Variants in PTPRN2 observed in about 807,000 individuals in gnomAD.
PTPRN2 encodes the protein protein tyrosine phosphatase receptor type N2.
A neutral mutation model predicts 118.8 loss-of-function variants in PTPRN2; 74 were observed. The observed-to-expected ratio is 0.62, with a 90% CI of 0.52 to 0.76. The LOEUF (loss-of-function observed/expected upper bound fraction) is 0.76, where lower values mean the gene tolerates loss of function less well. Among genes scored for constraint, PTPRN2 ranks in the 30% least tolerant of loss-of-function variants. PTPRN2 has a pLI of 0.00. For missense variants in PTPRN2, 1,481 were observed against 1,394.4 expected, an observed-to-expected ratio of 1.06 and a Z score of -0.99; for synonymous variants, 641 against 608.0, an observed-to-expected ratio of 1.05 and a Z score of -0.80.
At chr7:157,693,527 T>A (rs1314294089) in intron 12 of PTPRN2, among the ~76,000 whole-genome samples, 1 of 151,988 alleles carries the variant, frequency 6.6e-6, no homozygotes. Flanking sequence ...CGCAGGGCCT[T>A]GGGGCACCGG....
rs1802264157 is a variant in PTPRN2 at position 157,610,459 on chromosome 7, G to A, written c.2345-6384C>T. ...CCTAGAGGGAGTCCTGACTCCAGCA[G>A]AGAACATGTTCCGGGATGTGCTCCA... is the stretch of plus-strand genomic sequence containing the variant. On this transcript the variant is annotated intron_variant, in intron 15 of 22. Transcript: ENST00000389418. This position sits in a 1 kb window ranked among gnomAD's most constrained non-coding sequence, Gnocchi z 5.1. 6.6e-6 allele frequency among the ~76,000 whole-genome samples: 1 copy of A among 152,206 alleles called. No individual in the cohort carries two copies. Among genetic ancestry groups the A allele is most frequent in the Non-Finnish European group, 1.5e-5 (1 of 68,028 alleles).
chr7:157,769,166 G>A lies in PTPRN2; in HGVS notation c.1789-86229C>T, dbSNP rs75511357. ...CAGCCCAGTGTCCACCGAGGGCAGC[G>A]GTTGAATGTCCTCATTATTCCGCCC... On this transcript the variant is annotated intron_variant, in intron 12 of 22. Transcript: ENST00000389418. Among the ~76,000 whole-genome samples, 801 of 152,252 alleles carry A rather than the reference G, an allele frequency of 5.3e-3. 26 individuals carry two copies. Among genetic ancestry groups the A allele is most frequent in the East Asian group, 0.04 (206 of 5,172 alleles).
chr7:158,279,890 A>G (rs1799297691), intron 3 of PTPRN2, among the ~76,000 whole-genome samples: 1 of 152,072 alleles, frequency 6.6e-6, no homozygotes, highest in Admixed American at 6.5e-5. Flanking sequence ...TCACCTCTCA[A>G]TGTGGACTTG....
intron 11 of PTPRN2, among the ~76,000 whole-genome samples, chr7:157,922,702 C>T (rs562605374): frequency 5.3e-5 from 8 of 152,280 alleles, no homozygotes; most frequent in Admixed American, 2.6e-4. Flanking sequence ...ACATCACCAG[C>T]GGCAATCGTC....
chr7:158,182,680 T>C (rs1436519677), intron 5 of PTPRN2, among the ~76,000 whole-genome samples: 1 of 152,234 alleles, frequency 6.6e-6, no homozygotes, highest in Non-Finnish European at 1.5e-5. Flanking sequence ...TGCATAGTAT[T>C]CCATGGTGTA....
chr7:157,581,908 G>A (rs956268302), intron 17 of PTPRN2, among the ~76,000 whole-genome samples: 8 of 152,214 alleles, frequency 5.3e-5, no homozygotes, highest in African/African-American at 9.7e-5. Context: ...GAGCGGCCAC[G>A]CGCAGACAGG....
intron 9 of PTPRN2, among the ~76,000 whole-genome samples, chr7:158,132,371 TCATA>T (rs1167069025): frequency 6.9e-6 from 1 of 143,888 alleles, no homozygotes; most frequent in Non-Finnish European, 1.5e-5. Flanking sequence ...CGACATACAC[TCATA>T]CACACACATG....
At chr7:157,704,768 T>C (rs1164186514) in intron 12 of PTPRN2, among the ~76,000 whole-genome samples, 2 of 152,258 alleles carry the variant, frequency 1.3e-5, no homozygotes, top group African/African-American at 4.8e-5. Flanking sequence ...GCCATTCTAT[T>C]GCTCTCGTAA....
intron 11 of PTPRN2, among the ~76,000 whole-genome samples, chr7:157,907,418 C>CGG (rs1797836805): frequency 7.7e-6 from 1 of 129,116 alleles, no homozygotes; most frequent in Non-Finnish European, 1.7e-5. Flanking sequence ...TGGGGTGTCC[C>CGG]GGGTGGCAGT....
At chr7:158,394,117 CCCCCTCTGTCCCCCACGGACACCTCAA>C (rs1812148736) in intron 2 of PTPRN2, among the ~76,000 whole-genome samples, 1 of 148,454 alleles carries the variant, frequency 6.7e-6, no homozygotes. Context: ...GACACCTGGA[CCCCCTCTGTCCCCCACGGACACCTCAA>C]CCCCTCTGTC....
intron 2 of PTPRN2, among the ~76,000 whole-genome samples, chr7:158,459,421 C>G (rs1818796542): frequency 6.6e-6 from 1 of 151,892 alleles, no homozygotes; most frequent in African/African-American, 2.4e-5. Context: ...CGAACGGGAT[C>G]CAGAATCCAG....
intron 2 of PTPRN2, among the ~76,000 whole-genome samples, chr7:158,343,689 C>T (rs1475100835): frequency 6.6e-6 from 1 of 151,448 alleles, no homozygotes; most frequent in Non-Finnish European, 1.5e-5. Context: ...AGAGCTCGCG[C>T]AGAGGCTCAG....
chr7:158,307,284 A>G lies in PTPRN2; in HGVS notation c.277+9535T>C, dbSNP rs145342205. On this transcript the variant is annotated intron_variant, in intron 3 of 22. Transcript: ENST00000389418. ...GAATATGAATAAAAAGATAGAAATT[A>G]TATTTCAAAAATAATTGAAAAATTC... 7.7e-3 allele frequency among the ~76,000 whole-genome samples: 1,173 copies of G among 152,362 alleles called. 21 individuals are homozygous for G. Among genetic ancestry groups the G allele is most frequent in the African/African-American group, 0.026 (1,084 of 41,584 alleles).
intron 2 of PTPRN2, among the ~76,000 whole-genome samples, chr7:158,322,218 C>G (rs2151117139): frequency 6.6e-6 from 1 of 152,306 alleles, no homozygotes; most frequent in African/African-American, 2.4e-5. Context: ...ATGGCCAGGC[C>G]AGGACAGCCG....
intron 5 of PTPRN2, among the ~76,000 whole-genome samples, chr7:158,171,226 C>CACACATATATAT: frequency 2.3e-5 from 2 of 88,436 alleles, no homozygotes; most frequent in South Asian, 7.1e-4. Flanking sequence ...CACATATATA[C>CACACATATATAT]ACACATATAT....
chr7:158,336,603 A>C (rs1218537700), intron 2 of PTPRN2, among the ~76,000 whole-genome samples: 1 of 144,804 alleles, frequency 6.9e-6, no homozygotes, highest in African/African-American at 2.6e-5. Flanking sequence ...TCACACCCAC[A>C]CTCTCACCAT....
intron 11 of PTPRN2, among the ~76,000 whole-genome samples, chr7:158,009,945 C>G (rs577059433): frequency 7.2e-4 from 109 of 152,314 alleles, no homozygotes; most frequent in African/African-American, 2.6e-3. Context: ...CCACCATGGG[C>G]ACCAGCCAAA....
intron 2 of PTPRN2, among the ~76,000 whole-genome samples, chr7:158,341,323 C>A (rs62493628): frequency 3.1e-5 from 4 of 127,802 alleles, no homozygotes; most frequent in Admixed American, 1.5e-4. Context: ...CACCCACACA[C>A]GTCACTCACA....
chr7:158,383,842 T>C (rs1005449536), intron 2 of PTPRN2, among the ~76,000 whole-genome samples: 1 of 152,262 alleles, frequency 6.6e-6, no homozygotes, highest in Non-Finnish European at 1.5e-5. Flanking sequence ...TTTGTGATGT[T>C]AATGACTTTT....
Sources: allele counts gnomAD v4.1 joint callset (sites outside exome capture counted in the v4.1 genomes callset), GRCh38; gene constraint gnomAD v4.1.1; non-coding constraint Gnocchi (gnomAD v3.1); transcripts MANE v1.5; gene names NCBI Gene and HGNC (gene_info 2026-07-23, HGNC 2026-07-21).